GALNT17: variants seen among roughly 807,000 people sequenced by gnomAD.
GALNT17 encodes UDP-GalNAc:polypeptide N-acetylgalactosaminyltransferase-like 3.
Under a neutral mutation model 63.7 loss-of-function variants are expected in GALNT17, and 29 were observed. That is an observed-to-expected ratio of 0.46 (90% CI 0.34 to 0.62). The LOEUF (loss-of-function observed/expected upper bound fraction) is 0.62. Ranked by LOEUF, GALNT17 falls within the 20% of genes least tolerant of loss-of-function variation. The pLI, the probability that GALNT17 is intolerant of heterozygous loss-of-function variation, is 0.01. For synonymous variants in GALNT17, 305 were observed against 318.3 expected (o/e 0.96, Z 0.45); for missense variants, 603 against 799.6 (o/e 0.75, Z 2.97).
chr7:71,643,835 C>G (rs1790637000), intron 6 of GALNT17, among the ~76,000 whole-genome samples: 1 of 152,186 alleles, frequency 6.6e-6, no homozygotes, highest in South Asian at 2.1e-4. Context: ...ATTTAAAAGA[C>G]CATTTCCCTT....
intron 6 of GALNT17, among the ~76,000 whole-genome samples, chr7:71,608,480 T>TAC (rs1176184851): frequency 6.6e-6 from 1 of 152,126 alleles, no homozygotes; most frequent in Non-Finnish European, 1.5e-5. Flanking sequence ...TGAAAAGTGT[T>TAC]ACACAAATAC....
chr7:71,508,250 T>G (rs1047204012), intron 5 of GALNT17, among the ~76,000 whole-genome samples: 3 of 152,194 alleles, frequency 2.0e-5, no homozygotes, highest in African/African-American at 7.2e-5. Flanking sequence ...ACCGTAAGCG[T>G]GTGACATTGA....
intron 3 of GALNT17, among the ~76,000 whole-genome samples, chr7:71,415,618 G>A (rs1196202056): frequency 6.6e-6 from 1 of 152,138 alleles, no homozygotes; most frequent in Non-Finnish European, 1.5e-5. Flanking sequence ...GACGTCTGCC[G>A]GCTCATAGCA....
intron 1 of GALNT17, among the ~76,000 whole-genome samples, chr7:71,184,939 A>ACTTCCTTCCTTCCTTCCTTC (rs1164312541): frequency 2.2e-4 from 14 of 64,124 alleles, no homozygotes; most frequent in East Asian, 6.2e-4. Context: ...TCCCTTCCTC[A>ACTTCCTTCCTTCCTTCCTTC]CTTCCTTCCT....
intron 9 of GALNT17, among the ~76,000 whole-genome samples, chr7:71,706,260 G>A (rs1344561893): frequency 6.6e-6 from 1 of 152,106 alleles, no homozygotes; most frequent in Non-Finnish European, 1.5e-5. Context: ...CTCCTCACCT[G>A]CCCCAGCCTA....
In GALNT17 at chr7:71,583,961, G is replaced by GA. The variant is rs59833771; in HGVS notation, c.1080+12571dup. 2.4e-3 allele frequency among the ~76,000 whole-genome samples: 345 copies of GA among 146,022 alleles called. 2 individuals carry two copies. The highest frequency in any genetic ancestry group is 6.2e-3 in the African/African-American group (246 of 39,976). On this transcript the variant is annotated intron_variant, in intron 6 of 10. Transcript: ENST00000333538. ...AACATGGTGAAACCCCGTCTCTACT[G>GA]AAAAAAAAAAAATACAAAAAATTAG...
At position 71,571,390 on chromosome 7, in the gene GALNT17, A is replaced by G. The variant is rs911115534; in HGVS notation, c.1068A>G (p.Glu356=). The change falls in exon 6 of 11, where the codon GAA becomes GAG. Residue 356 remains glutamate (E), a synonymous_variant. Transcript: ENST00000333538. ...GMDVYGGENI[E]LGIKVWLCGG... The stretch of plus-strand genomic sequence containing the variant: ...ATGTATACGGAGGAGAAAATATTGA[A>G]CTGGGAATCAAGGTTTGTGACATGG... The G allele has an allele frequency of 6.2e-7, 1 of 1,613,514 alleles. No individual in the cohort carries two copies. The highest frequency in any genetic ancestry group is 1.7e-5 in the Admixed American group (1 of 59,982).
At chr7:71,703,498 G>C (rs1376438959) in intron 9 of GALNT17, among the ~76,000 whole-genome samples, 1 of 152,108 alleles carries the variant, frequency 6.6e-6, no homozygotes, top group Non-Finnish European at 1.5e-5. Flanking sequence ...CATTCATAAG[G>C]GATATGGCCC....
At chr7:71,144,409 C>G (rs905960439) in intron 1 of GALNT17, among the ~76,000 whole-genome samples, 1 of 152,090 alleles carries the variant, frequency 6.6e-6, no homozygotes. Flanking sequence ...ACCTGATAAT[C>G]ATCATTATTA....
chr7:71,236,087 A>G (rs1789884420), intron 1 of GALNT17, among the ~76,000 whole-genome samples: 1 of 152,118 alleles, frequency 6.6e-6, no homozygotes, highest in Non-Finnish European at 1.5e-5. Context: ...AGGCTAAAGC[A>G]GGAGAATTGC....
At position 71,570,062 on chromosome 7, in the gene GALNT17, TG is replaced by T. The variant is rs1179400730; in HGVS notation, c.963-1222del. 5.9e-4 allele frequency among the ~76,000 whole-genome samples: 89 copies of T among 151,746 alleles called. 1 individual carries two copies. The highest frequency in any genetic ancestry group is 1.6e-3 in the African/African-American group (68 of 41,398). On this transcript the variant is annotated intron_variant, in intron 5 of 10. Coordinates refer to ENST00000333538, the MANE Select transcript of GALNT17 (RefSeq NM_022479.3). ...ATCTGGTGGGTTTTGTTTTTTTGGT[TG>T]TTTTTTTTTTTTAACTTTTTAATAA...
At chr7:71,597,100 C>A (rs370935952) in intron 6 of GALNT17, among the ~76,000 whole-genome samples, 2 of 151,950 alleles carry the variant, frequency 1.3e-5, no homozygotes, top group African/African-American at 2.4e-5. Context: ...TGCAGTGGTG[C>A]GATCTCAGCT....
At chr7:71,338,845 A>G (rs990023709) in intron 2 of GALNT17, among the ~76,000 whole-genome samples, 1 of 152,368 alleles carries the variant, frequency 6.6e-6, no homozygotes, top group African/African-American at 2.4e-5. Context: ...GATTCAAAAT[A>G]AAGAAAATTA....
At chr7:71,262,678 T>A (rs796301719) in intron 1 of GALNT17, among the ~76,000 whole-genome samples, 97 of 147,758 alleles carry the variant, frequency 6.6e-4, no homozygotes, top group African/African-American at 2.2e-3. Flanking sequence ...TTTTTTACTT[T>A]CTTTTTTTTT....
intron 4 of GALNT17, among the ~76,000 whole-genome samples, chr7:71,419,099 T>C (rs1786610041): frequency 6.6e-6 from 1 of 151,978 alleles, no homozygotes; most frequent in Admixed American, 6.6e-5. Context: ...AAAAAAGAAA[T>C]ATCATTGGAA....
chr7:71,456,671 T>TA (rs35282895), intron 5 of GALNT17, among the ~76,000 whole-genome samples: 1,627 of 140,900 alleles, frequency 0.012, 10 homozygotes, highest in African/African-American at 0.024. Context: ...GCAGACTCCA[T>TA]AAAAAAAAAA....
chr7:71,542,710 A>AAAAAAAAAAAAT (rs1562683507), intron 5 of GALNT17, among the ~76,000 whole-genome samples: 1 of 151,534 alleles, frequency 6.6e-6, no homozygotes, highest in African/African-American at 2.4e-5. Context: ...AAAAAAAAAA[A>AAAAAAAAAAAAT]AGATAACGAT....
chr7:71,381,727 T>C (rs530569009), intron 2 of GALNT17, among the ~76,000 whole-genome samples: 1 of 151,956 alleles, frequency 6.6e-6, no homozygotes, highest in Non-Finnish European at 1.5e-5. Context: ...TGCAGTGAGC[T>C]GAGATCATGC....
intron 1 of GALNT17, among the ~76,000 whole-genome samples, chr7:71,251,072 G>A (rs117419042): frequency 0.074 from 11,330 of 152,130 alleles, 729 homozygotes; most frequent in East Asian, 0.35. Flanking sequence ...ACAACGTGCA[G>A]GTTTGTACAT....
Sources: gnomAD v4.1 joint callset for allele counts (sites outside exome capture counted in the v4.1 genomes callset) on GRCh38, gnomAD v4.1.1 for gene constraint, MANE v1.5 for transcripts, NCBI Gene and HGNC (gene_info 2026-07-23, HGNC 2026-07-21) for gene names.